The following MGAT5 variants were observed in gnomAD, a reference collection of about 807,000 sequenced individuals.
MGAT5 encodes the protein alpha-1,6-mannosylglycoprotein 6-beta-N-acetylglucosaminyltransferase A.
MGAT5 carries 30 observed loss-of-function variants against 94.3 expected under a neutral mutation model. The ratio of observed to expected loss-of-function variants is 0.32; its 90% confidence interval spans 0.24 to 0.43. The LOEUF is 0.43. MGAT5 is among the 20% of genes least tolerant of loss of function. The pLI is 1.00. For synonymous variants in MGAT5, 310 were observed against 322.9 expected (o/e 0.96, Z 0.43); for missense variants, 691 against 905.5 (o/e 0.76, Z 3.04).
chr2:134,149,589 G>C (rs1462486926), intron 1 of MGAT5, among the ~76,000 whole-genome samples: 1 of 152,164 alleles, frequency 6.6e-6, no homozygotes, highest in Non-Finnish European at 1.5e-5. Flanking sequence ...ACTTATACCA[G>C]GTTAATAAAC....
intron 4 of MGAT5, chr2:134,319,724 A>G (rs118061754): frequency 0.014 from 5,752 of 414,334 alleles, 486 homozygotes; most frequent in Admixed American, 0.13. Context: ...GTGGAATTCA[A>G]TGTAGCTGAA....
At chr2:134,346,894 GAT>G (rs1688950767) in intron 8 of MGAT5, among the ~76,000 whole-genome samples, 1 of 152,134 alleles carries the variant, frequency 6.6e-6, no homozygotes, top group Admixed American at 6.5e-5. Context: ...TCAAACACCA[GAT>G]TAGAAATTAG....
chr2:134,125,972 G>T (rs552019248), intron 1 of MGAT5, among the ~76,000 whole-genome samples: 2 of 152,354 alleles, frequency 1.3e-5, no homozygotes, highest in East Asian at 3.9e-4. Context: ...GGAGCATGGG[G>T]TAGGTGAGGA....
At chr2:134,397,707 G>A (rs1682798905) in intron 10 of MGAT5, among the ~76,000 whole-genome samples, 1 of 152,200 alleles carries the variant, frequency 6.6e-6, no homozygotes, top group Non-Finnish European at 1.5e-5. Flanking sequence ...GAAAAAGAGA[G>A]GAGCAGGGGC....
At chr2:134,395,056 C>T (rs1304393340) in intron 10 of MGAT5, among the ~76,000 whole-genome samples, 1 of 152,162 alleles carries the variant, frequency 6.6e-6, no homozygotes, top group Non-Finnish European at 1.5e-5. Context: ...CACATTTGGG[C>T]TGTGGTGGTG....
intron 10 of MGAT5, 62 bp downstream of exon 10, chr2:134,362,470 C>T: frequency 1.3e-6 from 2 of 1,579,526 alleles, no homozygotes; most frequent in Non-Finnish European, 1.7e-6. Context: ...TTTAATTTAA[C>T]TTTGATCCAG....
chr2:134,432,982 A>G (rs190858344), intron 14 of MGAT5, among the ~76,000 whole-genome samples: 67 of 149,790 alleles, frequency 4.5e-4, no homozygotes, highest in Non-Finnish European at 1.5e-5. Flanking sequence ...ACACAATTCA[A>G]TTTTTTTTTT....
At chr2:134,336,418 T>A (rs891571435) in intron 5 of MGAT5, 130 bp downstream of exon 5, 2 of 724,900 alleles carry the variant, frequency 2.8e-6, no homozygotes, top group Non-Finnish European at 4.6e-6. Context: ...TCTGTATTCG[T>A]CTCTGTGGAA....
At chr2:134,359,277 G>T (rs935177970) in intron 9 of MGAT5, among the ~76,000 whole-genome samples, 1 of 152,196 alleles carries the variant, frequency 6.6e-6, no homozygotes, top group Non-Finnish European at 1.5e-5. Context: ...TGTTCACAGG[G>T]TCCAGAAAAT....
At chr2:134,199,257 A>G (rs1005436915) in intron 1 of MGAT5, among the ~76,000 whole-genome samples, 5 of 152,062 alleles carry the variant, frequency 3.3e-5, no homozygotes, top group African/African-American at 4.8e-5. Flanking sequence ...CTCCTCTGAT[A>G]AGAGGGCAGT....
intron 15 of MGAT5, among the ~76,000 whole-genome samples, chr2:134,442,593 C>A (rs1041908270): frequency 2.0e-5 from 3 of 152,148 alleles, no homozygotes; most frequent in African/African-American, 7.2e-5. Flanking sequence ...AGGGGAGGCG[C>A]CTTCCTTGAA....
At chr2:134,323,204 C>G (rs1240552366) in intron 4 of MGAT5, among the ~76,000 whole-genome samples, 1 of 152,048 alleles carries the variant, frequency 6.6e-6, no homozygotes, top group Admixed American at 6.6e-5. Flanking sequence ...AATATTTTTC[C>G]TTAAAATACC....
intron 14 of MGAT5, among the ~76,000 whole-genome samples, chr2:134,436,223 C>T (rs570978169): frequency 2.0e-5 from 3 of 152,294 alleles, no homozygotes; most frequent in South Asian, 4.1e-4. Flanking sequence ...TCTATGAAGT[C>T]CCACAGCTGG....
At chr2:134,124,965 A>T (rs965260065) in intron 1 of MGAT5, among the ~76,000 whole-genome samples, 2 of 152,174 alleles carry the variant, frequency 1.3e-5, no homozygotes, top group African/African-American at 4.8e-5. Flanking sequence ...AATGTTTTTT[A>T]AAAATTATTA....
intron 10 of MGAT5, among the ~76,000 whole-genome samples, chr2:134,384,418 G>A (rs1199598325): frequency 2.0e-5 from 3 of 152,056 alleles, no homozygotes; most frequent in Non-Finnish European, 4.4e-5. Flanking sequence ...GTTTTTCAGG[G>A]TTCTTTCTTC....
chr2:134,440,526 C>T (rs183039522), intron 14 of MGAT5, among the ~76,000 whole-genome samples: 4 of 152,310 alleles, frequency 2.6e-5, no homozygotes, highest in African/African-American at 9.6e-5. Context: ...AGAACCATGT[C>T]CTGTCCAGGG....
intron 2 of MGAT5, among the ~76,000 whole-genome samples, chr2:134,291,249 G>A (rs1227207762): frequency 1.3e-5 from 2 of 152,162 alleles, no homozygotes; most frequent in African/African-American, 4.8e-5. Flanking sequence ...AGGTGATTAG[G>A]TTTTGAGGGG....
At chr2:134,307,668 C>T (rs993374482) in intron 2 of MGAT5, among the ~76,000 whole-genome samples, 9 of 152,096 alleles carry the variant, frequency 5.9e-5, no homozygotes, top group Non-Finnish European at 8.8e-5. Flanking sequence ...CAAATTGTCC[C>T]GCTCTGCTCT....
At chr2:134,288,342 G>A (rs894962996) in intron 2 of MGAT5, among the ~76,000 whole-genome samples, 3 of 152,134 alleles carry the variant, frequency 2.0e-5, no homozygotes, top group Admixed American at 2.0e-4. Context: ...CGGCCTGTGC[G>A]CCAAAATCTA....
Sources: gnomAD v4.1 joint callset for allele counts (sites outside exome capture counted in the v4.1 genomes callset) on GRCh38, gnomAD v4.1.1 for gene constraint, MANE v1.5 for transcripts, NCBI Gene and HGNC (gene_info 2026-07-23, HGNC 2026-07-21) for gene names.